The following GRAMD1A variants were observed in gnomAD, a reference collection of about 807,000 sequenced individuals.
The protein encoded by GRAMD1A is GRAM domain containing 1A, also known as protein Aster-A.
Under a neutral mutation model 92.0 loss-of-function variants are expected in GRAMD1A, and 50 were observed. That is an observed-to-expected ratio of 0.54 (90% confidence interval 0.43 to 0.69). The LOEUF (loss-of-function observed/expected upper bound fraction) is 0.69, where lower values mean the gene tolerates loss of function less well. Among genes scored for constraint, GRAMD1A ranks in the 30% least tolerant of loss-of-function variants. The pLI, the probability that GRAMD1A is intolerant of heterozygous loss-of-function variation, is 0.00. For synonymous variants in GRAMD1A, 405 were observed against 403.6 expected (o/e 1.00, Z -0.04); for missense variants, 819 against 978.9 (o/e 0.84, Z 2.18).
chr19:34,999,956 C>G, upstream of GRAMD1A: 1 of 982,834 alleles, frequency 1.0e-6, no homozygotes, highest in Non-Finnish European at 1.2e-6. Context: ...CATCTCCAGT[C>G]CTCCCCCACC....
intron 19 of GRAMD1A, among the ~76,000 whole-genome samples, chr19:35,024,139 T>C (rs913004174): frequency 2.0e-5 from 3 of 152,196 alleles, no homozygotes; most frequent in African/African-American, 7.2e-5. Flanking sequence ...GACAACCAGG[T>C]TCCAATTCCG....
At chr19:34,997,035 C>A (rs936799848), upstream of GRAMD1A, among the ~76,000 whole-genome samples, 1 of 152,086 alleles carries the variant, frequency 6.6e-6, no homozygotes, top group Non-Finnish European at 1.5e-5. Context: ...CCCCCCTCCA[C>A]CCAGCAGCTG....
At chr19:35,022,122 T>C (rs1437970258) in intron 16 of GRAMD1A, 84 bp downstream of exon 16, 2 of 925,388 alleles carry the variant, frequency 2.2e-6, no homozygotes, top group African/African-American at 3.3e-5. Flanking sequence ...GTGGCCTCTT[T>C]GAGCTCTCTG....
Position 35,022,930 on chromosome 19 carries a change from C to G in GRAMD1A, c.1853+19C>G, listed in dbSNP as rs546661490. ...GTGTGAGGTAGGGTCCCGAGTCCTC[C>G]CCCTGCCCTCCCCTCCCTGCACCCC... On this transcript the variant is annotated intron_variant, in intron 17 of 19. Transcript: ENST00000317991. 6.5e-7 allele frequency: 1 copy of G among 1,546,040 alleles called. No homozygotes were observed. Among genetic ancestry groups the G allele is most frequent in the South Asian group, 1.2e-5 (1 of 85,864 alleles).
chr19:35,026,373 G>T lies in GRAMD1A; in HGVS notation c.*232G>T. The T allele has an allele frequency of 1.7e-6, 1 of 577,954 alleles. No homozygotes were observed. The highest frequency in any genetic ancestry group is 3.0e-5 in the Admixed American group (1 of 33,250). The allele number at this position is 577,954 out of a possible 1,614,324, so 35.8% of individuals were successfully genotyped here. On this transcript the variant is annotated 3_prime_UTR_variant, in exon 20 of 20. Transcript: ENST00000317991. The stretch of plus-strand genomic sequence containing the variant: ...ACTTATTTTGCCCGGCTGAGGTTGT[G>T]GGGGGCGCCTCCTGGGGTGCACGAT...
rs771342933 is a variant in GRAMD1A, at chr19:35,021,882, C to T, written c.1753+18C>T. The T allele has an allele frequency of 3.2e-5, 51 of 1,605,110 alleles. No homozygotes were observed. Among genetic ancestry groups the T allele is most frequent in the South Asian group, 5.6e-5 (5 of 90,080 alleles). ...CACCTCGGGTACGTTCCGTTGGGGC[C>T]GGGTTGGGGTAGGCGGAGGATCGGG... On this transcript the variant is annotated intron_variant, in intron 15 of 19. Transcript: ENST00000317991. The surrounding 1 kb of genome is among the most constrained non-coding windows in gnomAD (Gnocchi z 5.3).
At chr19:35,016,416 G>A (rs1945149767) in intron 11 of GRAMD1A, among the ~76,000 whole-genome samples, 1 of 151,684 alleles carries the variant, frequency 6.6e-6, no homozygotes, top group South Asian at 2.1e-4. Flanking sequence ...GGGCAACATG[G>A]TGAAACCTCA....
upstream of GRAMD1A, chr19:34,996,090 C>T (rs2014024389): frequency 3.9e-6 from 6 of 1,536,042 alleles, no homozygotes; most frequent in African/African-American, 1.4e-5. Context: ...CAGGGCTCGC[C>T]TGACCTCCCA....
upstream of GRAMD1A, chr19:34,999,939 T>C: frequency 1.0e-6 from 1 of 975,388 alleles, no homozygotes; most frequent in Non-Finnish European, 1.2e-6. Context: ...ACACCTCGGT[T>C]TCCCAGCATC....
chr19:35,017,980 ATATT>A (rs34956636), intron 11 of GRAMD1A, among the ~76,000 whole-genome samples: 100 of 150,736 alleles, frequency 6.6e-4, no homozygotes, highest in African/African-American at 2.3e-3. Flanking sequence ...TCATTAACAC[ATATT>A]TATTTATTTA....
Position 35,013,509 on chromosome 19 carries a change from A to T in GRAMD1A, c.720-32A>T. On this transcript the variant is annotated intron_variant, in intron 8 of 19. Coordinates refer to ENST00000317991, the MANE Select transcript of GRAMD1A (RefSeq NM_020895.5). The surrounding 1 kb of genome is among the most constrained non-coding windows in gnomAD (Gnocchi z 4.9). ...GGAGGGTGTATGGGGTCTCAAGGAC[A>T]CAGCAGTCCCGCTTCCTCCCCTTTC... 1 of 1,584,236 alleles carries T rather than the reference A, an allele frequency of 6.3e-7. No individual in the cohort carries two copies. The highest frequency in any genetic ancestry group is 8.6e-7 in the Non-Finnish European group (1 of 1,161,422).
Position 35,014,304 on chromosome 19 carries a change from C to T in GRAMD1A, c.986C>T (p.Thr329Ile). The T allele has an allele frequency of 6.2e-7, 1 of 1,613,844 alleles. No individual in the cohort carries two copies. Among genetic ancestry groups the T allele is most frequent in the Non-Finnish European group, 8.5e-7 (1 of 1,179,702 alleles). The change falls in exon 10 of 20, where the codon ACC becomes ATC. Residue 329 changes from threonine to isoleucine, a missense_variant. Coordinates refer to ENST00000317991, the MANE Select transcript of GRAMD1A (RefSeq NM_020895.5). ...STEPTQPDGP[T>I]TLGPLDLLPS... ...GAGCCCACCCAGCCTGACGGGCCCA[C>T]CACCCTGGGCCCCTTGGATCTGCTG...
chr19:35,011,757 C>G (rs114283905), intron 7 of GRAMD1A, among the ~76,000 whole-genome samples: 1 of 152,220 alleles, frequency 6.6e-6, no homozygotes, highest in Non-Finnish European at 1.5e-5. Flanking sequence ...TGTAAACCGT[C>G]GTAATTCTTC....
intron 1 of GRAMD1A, among the ~76,000 whole-genome samples, chr19:35,005,156 C>T (rs1038298544): frequency 1.2e-4 from 18 of 149,920 alleles, no homozygotes; most frequent in South Asian, 2.1e-4. Flanking sequence ...ACCTCCTGTA[C>T]GCCAGGCCCT....
At chr19:35,017,748 T>C (rs2015747131) in intron 11 of GRAMD1A, among the ~76,000 whole-genome samples, 1 of 152,170 alleles carries the variant, frequency 6.6e-6, no homozygotes, top group Admixed American at 6.5e-5. Flanking sequence ...CACATCCTCC[T>C]GGCAGCCTTC....
chr19:35,015,638 C>A, intron 10 of GRAMD1A, 186 bp from the exon 11 acceptor site: 1 of 554,296 alleles, frequency 1.8e-6, no homozygotes, highest in South Asian at 2.3e-5. Context: ...CTGTCTGGGC[C>A]TGGAGCACGT....
chr19:34,999,843 G>A (rs1430859863), upstream of GRAMD1A, among the ~76,000 whole-genome samples: 2 of 152,222 alleles, frequency 1.3e-5, no homozygotes, highest in African/African-American at 2.4e-5. Flanking sequence ...CCAGGAACCC[G>A]GGCTCAGAGA....
chr19:35,014,082 C>A, intron 9 of GRAMD1A, 107 bp from the exon 10 acceptor site: 1 of 1,076,804 alleles, frequency 9.3e-7, no homozygotes, highest in Non-Finnish European at 1.4e-6. Flanking sequence ...GGTGCACACA[C>A]CACCCCGGGT....
intron 7 of GRAMD1A, among the ~76,000 whole-genome samples, chr19:35,012,021 A>G (rs998488374): frequency 2.0e-5 from 3 of 152,182 alleles, no homozygotes; most frequent in African/African-American, 7.2e-5. Context: ...GCGCACAGTC[A>G]GGCCCTAAGG....
Sources: gnomAD v4.1 joint callset for allele counts (sites outside exome capture counted in the v4.1 genomes callset) on GRCh38, gnomAD v4.1.1 for gene constraint, Gnocchi (gnomAD v3.1) non-coding constraint, MANE v1.5 for transcripts, NCBI Gene and HGNC (gene_info 2026-07-23, HGNC 2026-07-21) for gene names.